Variants in OXSM observed in about 807,000 individuals in gnomAD.
The protein encoded by OXSM is 3-oxoacyl-ACP synthase, mitochondrial.
In OXSM, 19 loss-of-function variants were observed where a neutral mutation model predicts 29.2. The ratio of observed to expected loss-of-function variants is 0.65; its 90% CI spans 0.45 to 0.96. The LOEUF (loss-of-function observed/expected upper bound fraction) is 0.96, where lower values mean the gene tolerates loss of function less well. OXSM is among the 40% of genes least tolerant of loss of function. The pLI is 0.00. For synonymous variants in OXSM, 178 were observed against 197.1 expected (o/e 0.90, Z 0.81); for missense variants, 554 against 551.3 (o/e 1.00, Z -0.05).
rs182478011 is a variant in OXSM at position 25,791,775 on chromosome 3, G to A, written c.755G>A (p.Arg252Gln). 2.7e-5 allele frequency: 43 copies of A among 1,614,088 alleles called. No individual in the cohort carries two copies. The highest frequency in any genetic ancestry group is 1.3e-4 in the African/African-American group (10 of 75,004). The part of the protein sequence containing the change: ...PLSLAGFSRA[R>Q]ALSTNSDPKL... ...TCTCTTGCTGGGTTTTCCAGAGCCCGGGCTCTGAGCACAAACTCAGATCCC... is the reference window on the plus strand; with the variant it reads ...TCTCTTGCTGGGTTTTCCAGAGCCCAGGCTCTGAGCACAAACTCAGATCCC... Residue 252 changes from arginine to glutamine, a missense_variant, in exon 2 of 3, where the codon CGG (arginine) becomes CAG (glutamine). Physicochemically the swap from Arg to Gln is conservative, Grantham distance 43 (BLOSUM62 1). Coordinates refer to ENST00000280701, the MANE Select transcript of OXSM (RefSeq NM_017897.3).
intron 2 of OXSM, 81 bp downstream of exon 2, chr3:25,792,078 G>A (rs970854276): frequency 2.4e-6 from 3 of 1,244,732 alleles, no homozygotes; most frequent in East Asian, 2.3e-5. Flanking sequence ...AAGTTGTAGT[G>A]TCTGGCCTTG....
In OXSM at chr3:25,791,209, G is replaced by A; in HGVS notation, c.189G>A (p.Trp63Ter). The stretch of plus-strand genomic sequence containing the variant: ...TTGGTGTTGGAACTCACCTGGTTTG[G>A]GATCGTCTTATCGGAGGAGAGAGTG... Reference protein sequence around the residue: ...TPLGVGTHLVWDRLIGGESGI... With the variant: ...TPLGVGTHLV The change falls in exon 2 of 3, where the codon TGG becomes TGA. Residue 63 changes from tryptophan to a stop codon, truncating the protein, a stop_gained. Coordinates refer to ENST00000280701, the MANE Select transcript of OXSM (RefSeq NM_017897.3). LOFTEE classifies it high-confidence loss of function. 1.2e-6 allele frequency: 2 copies of A among 1,614,194 alleles called. No homozygotes were observed. The highest frequency in any genetic ancestry group is 1.7e-6 in the Non-Finnish European group (2 of 1,180,028).
In OXSM at chr3:25,791,294, G is replaced by A; in HGVS notation, c.274G>A (p.Val92Met). Reference sequence around the variant, plus strand: ...TATCCCTTGCAGTGTTGCTGCTTATGTGCCAAGAGGTAGTGATGAAGGTCA... The same window carrying A: ...TATCCCTTGCAGTGTTGCTGCTTATATGCCAAGAGGTAGTGATGAAGGTCA... Reference protein sequence around the residue: ...KSIPCSVAAYVPRGSDEGQFN... With the variant: ...KSIPCSVAAYMPRGSDEGQFN... The change falls in exon 2 of 3, where the codon GTG (valine) becomes ATG (methionine). Residue 92 changes from valine (V) to methionine (M), a missense_variant. Val to Met is a conservative substitution (Grantham distance 21). Coordinates refer to ENST00000280701, the MANE Select transcript of OXSM (RefSeq NM_017897.3). The A allele has an allele frequency of 6.2e-7, 1 of 1,614,178 alleles. No individual in the cohort carries two copies. The highest frequency in any genetic ancestry group is 8.5e-7 in the Non-Finnish European group (1 of 1,180,022).
Position 25,791,137 on chromosome 3 carries a change from A to T in OXSM, c.117A>T (p.Arg39Ser). 6.2e-7 allele frequency: 1 copy of T among 1,614,202 alleles called. No individual in the cohort carries two copies. Among genetic ancestry groups the T allele is most frequent in the Non-Finnish European group, 8.5e-7 (1 of 1,180,022 alleles). The change falls in exon 2 of 3, where the codon AGA (arginine) becomes AGT (serine). Residue 39 changes from arginine (R) to serine (S), a missense_variant. Transcript: ENST00000280701. ...TTTTCGGAACTGTGCCAATATCCAGATTGCATAGGCGAGTTGTCATTACAG... is the reference window on the plus strand; with the variant it reads ...TTTTCGGAACTGTGCCAATATCCAGTTTGCATAGGCGAGTTGTCATTACAG... ...RKFFGTVPIS[R>S]LHRRVVITGI...
chr3:25,793,323 G>A (rs1708807150), intron 2 of OXSM, among the ~76,000 whole-genome samples: 1 of 151,780 alleles, frequency 6.6e-6, no homozygotes, highest in Non-Finnish European at 1.5e-5. Context: ...GTAGTTGCTG[G>A]TGGTAAAAAT....
At position 25,791,030 on chromosome 3, in the gene OXSM, T is replaced by C. The variant is rs1440112761; in HGVS notation, c.10T>C (p.Cys4Arg). 1 of 1,611,272 alleles carries C rather than the reference T, an allele frequency of 6.2e-7. No homozygotes were observed. Among genetic ancestry groups the C allele is most frequent in the South Asian group, 1.1e-5 (1 of 90,922 alleles). MSNCLQNFLKITST... is the reference protein window; with the variant it reads MSNRLQNFLKITST... Reference sequence around the variant, plus strand: ...CATCTGAATCTTAATCATGTCCAACTGCCTGCAAAATTTCCTGAAAATTAC... The same window carrying C: ...CATCTGAATCTTAATCATGTCCAACCGCCTGCAAAATTTCCTGAAAATTAC... The change falls in exon 2 of 3, where the codon TGC (cysteine) becomes CGC (arginine). Residue 4 changes from cysteine to arginine, a missense_variant. Cys to Arg is a radical substitution (Grantham distance 180). Transcript: ENST00000280701.
At position 25,791,628 on chromosome 3, in the gene OXSM, A is replaced by G. The variant is rs963384566; in HGVS notation, c.608A>G (p.His203Arg). Residue 203 changes from histidine (H) to arginine (R), a missense_variant, in exon 2 of 3, where the codon CAT becomes CGT. His to Arg is a conservative substitution (Grantham distance 29). Coordinates refer to ENST00000280701, the MANE Select transcript of OXSM (RefSeq NM_017897.3). ...SIRYKLKGPN[H>R]AVSTACTTGA... ...CGATATAAACTCAAGGGCCCAAATC[A>G]TGCAGTATCCACAGCCTGTACCACA... 7.4e-6 allele frequency: 12 copies of G among 1,614,142 alleles called. No individual in the cohort carries two copies. The highest frequency in any genetic ancestry group is 1.3e-5 in the African/African-American group (1 of 74,948).
At chr3:25,793,657 T>C (rs1708813662) in intron 2 of OXSM, among the ~76,000 whole-genome samples, 1 of 152,214 alleles carries the variant, frequency 6.6e-6, no homozygotes, top group Non-Finnish European at 1.5e-5. Flanking sequence ...TTGGGAAGTA[T>C]GCCAAGTTTT....
intron 2 of OXSM, 81 bp from the exon 3 acceptor site, chr3:25,794,010 GT>G (rs1708821195): frequency 8.2e-7 from 1 of 1,222,340 alleles, no homozygotes; most frequent in Non-Finnish European, 1.1e-6. Flanking sequence ...ACCTACATTT[GT>G]TTCACATAAG....
intron 2 of OXSM, among the ~76,000 whole-genome samples, chr3:25,792,619 G>C (rs1442365678): frequency 6.6e-6 from 1 of 152,044 alleles, no homozygotes; most frequent in Non-Finnish European, 1.5e-5. Context: ...TGGGACTACA[G>C]GAATGCGCCA....
chr3:25,791,826 C>G lies in OXSM; in HGVS notation c.806C>G (p.Pro269Arg). 2.5e-6 allele frequency: 4 copies of G among 1,614,034 alleles called. No individual in the cohort carries two copies. Among genetic ancestry groups the G allele is most frequent in the Non-Finnish European group, 3.4e-6 (4 of 1,179,982 alleles). Reference sequence around the variant, plus strand: ...AAGTTGGCATGTCGACCATTTCATCCAAAGAGAGATGGTTTTGTAATGGGA... The same window carrying G: ...AAGTTGGCATGTCGACCATTTCATCGAAAGAGAGATGGTTTTGTAATGGGA... ...DPKLACRPFH[P>R]KRDGFVMGEG... Residue 269 changes from proline to arginine, a missense_variant, in exon 2 of 3, where the codon CCA (proline) becomes CGA (arginine). By Grantham distance (103) the Pro-to-Arg change is moderately radical. Coordinates refer to ENST00000280701, the MANE Select transcript of OXSM (RefSeq NM_017897.3).
chr3:25,793,315 A>G (rs190406317), intron 2 of OXSM, among the ~76,000 whole-genome samples: 1 of 151,964 alleles, frequency 6.6e-6, no homozygotes, highest in East Asian at 1.9e-4. Context: ...TTTAGTGAGT[A>G]GTTGCTGGTG....
intron 2 of OXSM, among the ~76,000 whole-genome samples, chr3:25,793,175 T>G (rs1266175285): frequency 6.6e-6 from 1 of 151,302 alleles, no homozygotes; most frequent in African/African-American, 2.4e-5. Context: ...TTTAGTAGAG[T>G]TGGGGTCTTG....
chr3:25,790,888 G>T, intron 1 of OXSM, 102 bp from the exon 2 acceptor site: 1 of 743,826 alleles, frequency 1.3e-6, no homozygotes, highest in South Asian at 1.8e-5. Context: ...GTGTTCATTA[G>T]CAGCTCATAT....
chr3:25,792,352 C>T (rs915350619), intron 2 of OXSM, among the ~76,000 whole-genome samples: 18 of 152,234 alleles, frequency 1.2e-4, no homozygotes, highest in Non-Finnish European at 1.0e-4. Context: ...GTCAACCCTT[C>T]TAGATGTGTC....
chr3:25,791,736 G>A lies in OXSM; in HGVS notation c.716G>A (p.Cys239Tyr). 1.9e-6 allele frequency: 3 copies of A among 1,614,174 alleles called. No individual in the cohort carries two copies. The highest frequency in any genetic ancestry group is 2.5e-6 in the Non-Finnish European group (3 of 1,180,032). The part of the protein sequence containing the change: ...DVMVAGGTDS[C>Y]ISPLSLAGFS... ...ATGGTGGCTGGAGGTACAGATTCTTGTATTAGCCCTTTATCTCTTGCTGGG... is the reference window on the plus strand; with the variant it reads ...ATGGTGGCTGGAGGTACAGATTCTTATATTAGCCCTTTATCTCTTGCTGGG... The change falls in exon 2 of 3, where the codon TGT becomes TAT. Residue 239 changes from cysteine to tyrosine, a missense_variant. By Grantham distance (194) the Cys-to-Tyr change is radical. Coordinates refer to ENST00000280701, the MANE Select transcript of OXSM (RefSeq NM_017897.3).
chr3:25,790,549 G>A (rs1326452001), intron 1 of OXSM: 2 of 164,066 alleles, frequency 1.2e-5, no homozygotes, highest in Non-Finnish European at 2.7e-5. Flanking sequence ...GAAAAGGCTG[G>A]TTATCCTTAA....
chr3:25,794,163 C>T lies in OXSM; in HGVS notation c.1049C>T (p.Thr350Ile). The T allele has an allele frequency of 6.2e-7, 1 of 1,614,202 alleles. No homozygotes were observed. Among genetic ancestry groups the T allele is most frequent in the Non-Finnish European group, 8.5e-7 (1 of 1,179,996 alleles). Residue 350 changes from threonine (T) to isoleucine (I), a missense_variant, in exon 3 of 3, where the codon ACT (threonine) becomes ATT (isoleucine). By Grantham distance (89) the Thr-to-Ile change is moderately conservative. Transcript: ENST00000280701. ...EEISYINAHA[T>I]STPLGDAAEN... ...ATATCCTATATCAATGCACATGCTA[C>T]TTCCACACCATTGGGAGATGCTGCT... is the stretch of plus-strand genomic sequence containing the variant.
Position 25,790,136 on chromosome 3 carries a change from G to T in OXSM, c.-43G>T, listed in dbSNP as rs995490785. The T allele has an allele frequency of 5.3e-5, 27 of 512,010 alleles. No homozygotes were observed. Among genetic ancestry groups the T allele is most frequent in the Admixed American group, 4.4e-4 (12 of 27,020 alleles). The allele number at this position is 512,010 out of a possible 1,614,324, so 31.7% of individuals were successfully genotyped here. A position where few individuals can be genotyped will look rare whatever the true frequency, so the allele number is the denominator to read the frequency against. The stretch of plus-strand genomic sequence containing the variant: ...CGACTGTGGAGAAGTGTCCGGGGTA[G>T]CCCCGTTACAGGTATCGCTGGCTAC... On this transcript the variant is annotated 5_prime_UTR_variant, in exon 1 of 3. Transcript: ENST00000280701.
Sources: gnomAD v4.1 joint callset for allele counts (sites outside exome capture counted in the v4.1 genomes callset) on GRCh38, gnomAD v4.1.1 for gene constraint, MANE v1.5 for transcripts, NCBI Gene and HGNC (gene_info 2026-07-23, HGNC 2026-07-21) for gene names.